MAGI3: variants seen among roughly 807,000 people sequenced by gnomAD.
MAGI3 encodes membrane-associated guanylate kinase, WW and PDZ domain-containing protein 3.
Under a neutral mutation model 121.8 loss-of-function variants are expected in MAGI3, and 43 were observed. The ratio of observed to expected loss-of-function variants is 0.35; its 90% CI spans 0.28 to 0.46. MAGI3 has a LOEUF of 0.46. Ranked by LOEUF, MAGI3 falls within the 20% of genes least tolerant of loss-of-function variation. MAGI3 has a pLI of 1.00. For missense variants in MAGI3, 1,547 were observed against 1,797.3 expected, an observed-to-expected ratio of 0.86 and a Z score of 2.52; for synonymous variants, 553 against 639.3, an observed-to-expected ratio of 0.86 and a Z score of 2.04.
At chr1:113,671,645 A>G in intron 16 of MAGI3, 89 bp from the exon 17 acceptor site, 1 of 1,189,316 alleles carries the variant, frequency 8.4e-7, no homozygotes, top group Non-Finnish European at 1.2e-6. Flanking sequence ...AGCAATAGCC[A>G]TCTGTTATTG....
chr1:113,424,203 T>TGCCCCCCC (rs1652883566), intron 1 of MAGI3, among the ~76,000 whole-genome samples: 2 of 45,178 alleles, frequency 4.4e-5, no homozygotes, highest in Non-Finnish European at 4.5e-5. Context: ...CCCCGCCGCC[T>TGCCCCCCC]GCCCCCCCGC....
intron 2 of MAGI3, among the ~76,000 whole-genome samples, chr1:113,573,974 G>C (rs1647466575): frequency 6.6e-6 from 1 of 152,012 alleles, no homozygotes; most frequent in African/African-American, 2.4e-5. Flanking sequence ...GATCTTTGTT[G>C]GTTTAAAGTC....
chr1:113,630,823 C>G (rs1049908094), intron 9 of MAGI3, among the ~76,000 whole-genome samples: 3 of 152,130 alleles, frequency 2.0e-5, no homozygotes, highest in Non-Finnish European at 4.4e-5. Flanking sequence ...TAAGCACTCC[C>G]TTAGCTGCCC....
intron 11 of MAGI3, among the ~76,000 whole-genome samples, chr1:113,644,236 C>G (rs1330380465): frequency 6.6e-6 from 1 of 152,026 alleles, no homozygotes; most frequent in Non-Finnish European, 1.5e-5. Context: ...AATCTTCTTA[C>G]TTTTAAGACT....
intron 1 of MAGI3, among the ~76,000 whole-genome samples, chr1:113,513,074 A>G (rs895356035): frequency 5.7e-4 from 87 of 152,250 alleles, no homozygotes; most frequent in Admixed American, 1.6e-3. Flanking sequence ...TACAAGGGAC[A>G]TGAAGGACCT....
intron 1 of MAGI3, among the ~76,000 whole-genome samples, chr1:113,531,729 G>C (rs1307779243): frequency 6.7e-6 from 1 of 150,172 alleles, no homozygotes. Context: ...GGGGTCGGGT[G>C]GGGGGCTGGG....
At chr1:113,433,244 C>T (rs974334535) in intron 1 of MAGI3, among the ~76,000 whole-genome samples, 1 of 152,144 alleles carries the variant, frequency 6.6e-6, no homozygotes, top group African/African-American at 2.4e-5. Context: ...TGATGTGATT[C>T]TACCTTCAGG....
intron 9 of MAGI3, among the ~76,000 whole-genome samples, chr1:113,627,369 GATGC>G (rs904281768): frequency 3.3e-5 from 5 of 151,636 alleles, no homozygotes; most frequent in African/African-American, 1.2e-4. Flanking sequence ...ATCCTTGAAT[GATGC>G]CGTGCTGAGG....
Position 113,390,914 on chromosome 1 carries a change from G to A in MAGI3, c.-120G>A. On this transcript the variant is annotated 5_prime_UTR_variant, in exon 1 of 21. Transcript: ENST00000307546. The stretch of plus-strand genomic sequence containing the variant: ...CTGTGGTCGCGGGGTGGGGGCCGGA[G>A]CGGCGAGGCCCCCCTTACCGGGCTG... 1 of 678,182 alleles carries A rather than the reference G, an allele frequency of 1.5e-6. No individual in the cohort carries two copies. Among genetic ancestry groups the A allele is most frequent in the Non-Finnish European group, 2.0e-6 (1 of 496,400 alleles). 42.0% of individuals were successfully genotyped at this position (678,182 alleles called of 1,614,324 possible). A position where few individuals can be genotyped will look rare whatever the true frequency, so the allele number is the denominator to read the frequency against.
At chr1:113,592,768 T>G (rs1453902397) in intron 5 of MAGI3, among the ~76,000 whole-genome samples, 1 of 151,938 alleles carries the variant, frequency 6.6e-6, no homozygotes, top group East Asian at 1.9e-4. Flanking sequence ...ATCCCAGCAC[T>G]TTGGGAGGCC....
At chr1:113,437,880 C>CTTCTTCTTCTTCTTCTTCCTCTT (rs1557757197) in intron 1 of MAGI3, among the ~76,000 whole-genome samples, 17 of 17,006 alleles carry the variant, frequency 1.0e-3, no homozygotes, top group East Asian at 7.2e-3. Context: ...TTCTTCTTCT[C>CTTCTTCTTCTTCTTCTTCCTCTT]CTTCTCCTTC....
chr1:113,646,065 G>A (rs1349161025), intron 11 of MAGI3, among the ~76,000 whole-genome samples: 7 of 152,054 alleles, frequency 4.6e-5, no homozygotes, highest in Non-Finnish European at 1.0e-4. Context: ...ATCTTCCTTA[G>A]AAATTAAACT....
At chr1:113,421,117 A>G (rs1200708894) in intron 1 of MAGI3, among the ~76,000 whole-genome samples, 4 of 152,116 alleles carry the variant, frequency 2.6e-5, no homozygotes, top group Admixed American at 6.5e-5. Flanking sequence ...GTGCAGCATC[A>G]TGGTATTTAC....
chr1:113,494,138 A>G (rs1269551243), intron 1 of MAGI3, among the ~76,000 whole-genome samples: 1 of 152,218 alleles, frequency 6.6e-6, no homozygotes, highest in East Asian at 1.9e-4. Flanking sequence ...ATTCCCAATG[A>G]TAGAATGGAT....
chr1:113,478,695 G>A (rs1362813129), intron 1 of MAGI3, among the ~76,000 whole-genome samples: 3 of 152,164 alleles, frequency 2.0e-5, no homozygotes, highest in Admixed American at 6.5e-5. Context: ...GTTAGGCTAC[G>A]CAGGGATCAG....
chr1:113,626,218 A>G (rs190000788), intron 9 of MAGI3, among the ~76,000 whole-genome samples: 1 of 152,228 alleles, frequency 6.6e-6, no homozygotes, highest in East Asian at 1.9e-4. Context: ...ATCTGCTTCA[A>G]ATGATTATAG....
At chr1:113,614,216 A>G (rs1650322364) in intron 6 of MAGI3, among the ~76,000 whole-genome samples, 1 of 152,166 alleles carries the variant, frequency 6.6e-6, no homozygotes. Context: ...ATCAAAAATG[A>G]CTATGTATAA....
intron 1 of MAGI3, among the ~76,000 whole-genome samples, chr1:113,431,751 C>T (rs771451653): frequency 4.6e-5 from 7 of 152,004 alleles, no homozygotes; most frequent in Admixed American, 6.6e-5. Flanking sequence ...TCAGATAGGG[C>T]GACTGAATAT....
chr1:113,525,551 A>G (rs1362855891), intron 1 of MAGI3, among the ~76,000 whole-genome samples: 1 of 151,840 alleles, frequency 6.6e-6, no homozygotes, highest in East Asian at 1.9e-4. Context: ...GCCTTCATTT[A>G]ATAGTTAAAT....
Sources: allele counts gnomAD v4.1 joint callset (sites outside exome capture counted in the v4.1 genomes callset), GRCh38; gene constraint gnomAD v4.1.1; transcripts MANE v1.5; gene names NCBI Gene and HGNC (gene_info 2026-07-23, HGNC 2026-07-21).